MMP16: variants seen among roughly 807,000 people sequenced by gnomAD.
The protein encoded by MMP16 is matrix metalloproteinase-16.
In MMP16, 12 loss-of-function variants were observed where a neutral mutation model predicts 67.8. That is an observed-to-expected ratio of 0.18 (90% CI 0.11 to 0.29). The LOEUF is 0.29. Ranked by LOEUF, MMP16 falls within the 10% of genes least tolerant of loss-of-function variation. MMP16 has a pLI of 1.00. For synonymous variants in MMP16, 249 were observed against 255.9 expected (o/e 0.97, Z 0.26); for missense variants, 475 against 765.7 (o/e 0.62, Z 4.48).
intron 6 of MMP16, among the ~76,000 whole-genome samples, chr8:88,110,333 C>T (rs1563534628): frequency 6.6e-6 from 1 of 151,354 alleles, no homozygotes; most frequent in Non-Finnish European, 1.5e-5. Context: ...ATTGCAATTA[C>T]AAATATTTTA....
chr8:88,230,764 G>T (rs1288299996), intron 1 of MMP16, among the ~76,000 whole-genome samples: 2 of 151,994 alleles, frequency 1.3e-5, no homozygotes, highest in Non-Finnish European at 2.9e-5. Context: ...ATATTTGGAT[G>T]CATTCTTATA....
chr8:88,145,876 A>G (rs995268545), intron 4 of MMP16, among the ~76,000 whole-genome samples: 5 of 151,996 alleles, frequency 3.3e-5, no homozygotes, highest in African/African-American at 1.2e-4. Context: ...AAATGCTACC[A>G]GTATCTATGG....
intron 1 of MMP16, among the ~76,000 whole-genome samples, chr8:88,245,603 G>T (rs992807921): frequency 6.6e-6 from 1 of 152,158 alleles, no homozygotes; most frequent in African/African-American, 2.4e-5. Context: ...GACGGAGAAA[G>T]ACCTAAAAGA....
intron 1 of MMP16, among the ~76,000 whole-genome samples, chr8:88,262,266 T>C (rs997067260): frequency 6.6e-6 from 1 of 152,236 alleles, no homozygotes; most frequent in Non-Finnish European, 1.5e-5. Context: ...ATAGTGCACA[T>C]TTTACTAAAG....
intron 1 of MMP16, among the ~76,000 whole-genome samples, chr8:88,247,218 T>C (rs1810127251): frequency 6.6e-6 from 1 of 152,108 alleles, no homozygotes; most frequent in Admixed American, 6.6e-5. Flanking sequence ...TATAATACAG[T>C]AGGAAAATTT....
chr8:88,103,501 C>T (rs1228953119), intron 6 of MMP16, among the ~76,000 whole-genome samples: 2 of 151,770 alleles, frequency 1.3e-5, no homozygotes, highest in African/African-American at 4.8e-5. Context: ...GACTCCTTTG[C>T]AATCACTTTC....
intron 7 of MMP16, among the ~76,000 whole-genome samples, chr8:88,063,077 C>A (rs1248629634): frequency 6.6e-6 from 1 of 152,000 alleles, no homozygotes; most frequent in African/African-American, 2.4e-5. Flanking sequence ...TGGCAGAATG[C>A]AGAGGAAAAT....
intron 8 of MMP16, among the ~76,000 whole-genome samples, chr8:88,054,732 C>T (rs1808310649): frequency 6.6e-6 from 1 of 152,114 alleles, no homozygotes; most frequent in African/African-American, 2.4e-5. Flanking sequence ...TCATGGAAGC[C>T]AATTATAGCA....
chr8:88,199,244 T>C (rs752953506), intron 1 of MMP16, among the ~76,000 whole-genome samples: 7 of 152,084 alleles, frequency 4.6e-5, no homozygotes, highest in Admixed American at 2.0e-4. Flanking sequence ...CTATAAAATA[T>C]GTAAATGTTA....
At chr8:88,289,640 T>C (rs1042653138) in intron 1 of MMP16, among the ~76,000 whole-genome samples, 11 of 151,284 alleles carry the variant, frequency 7.3e-5, no homozygotes, top group South Asian at 4.2e-4. Context: ...TTCTGTACAG[T>C]TGCCGTGTAC....
At chr8:88,153,289 C>T (rs1808442166) in intron 4 of MMP16, among the ~76,000 whole-genome samples, 1 of 152,112 alleles carries the variant, frequency 6.6e-6, no homozygotes, top group Admixed American at 6.5e-5. Context: ...GGCCATACTG[C>T]CCAAGGTAAT....
At chr8:88,151,079 C>CAA (rs1808397677) in intron 4 of MMP16, among the ~76,000 whole-genome samples, 2 of 121,702 alleles carry the variant, frequency 1.6e-5, no homozygotes, top group South Asian at 6.4e-4. Flanking sequence ...TCTGATAAAA[C>CAA]AGACTTTAAA....
chr8:88,267,996 T>C (rs371251117), intron 1 of MMP16, among the ~76,000 whole-genome samples: 5 of 129,970 alleles, frequency 3.8e-5, no homozygotes, highest in Admixed American at 3.6e-4. Flanking sequence ...CTGTATAAAA[T>C]AGAAGATCCT....
At chr8:88,103,430 A>C (rs1809178529) in intron 6 of MMP16, among the ~76,000 whole-genome samples, 1 of 151,860 alleles carries the variant, frequency 6.6e-6, no homozygotes. Flanking sequence ...AAAGAATAAA[A>C]GCGAATGAAT....
At chr8:88,133,399 C>T (rs1808066163) in intron 4 of MMP16, among the ~76,000 whole-genome samples, 1 of 151,816 alleles carries the variant, frequency 6.6e-6, no homozygotes, top group Non-Finnish European at 1.5e-5. Context: ...TTGTCTTGTC[C>T]ACTAGGAGTT....
rs28904601 is a variant in MMP16, at chr8:88,243,513, T to C, written c.133-46207A>G. 3.7e-3 allele frequency among the ~76,000 whole-genome samples: 558 copies of C among 152,284 alleles called. 3 individuals carry two copies. Among genetic ancestry groups the C allele is most frequent in the Non-Finnish European group, 6.5e-3 (444 of 68,014 alleles). The stretch of plus-strand genomic sequence containing the variant: ...TAATTCCTGTCGTATATATTCTAAT[T>C]TGTTTCCAGTCAGCATGATTTCACC... On this transcript the variant is annotated intron_variant, in intron 1 of 9. Coordinates refer to ENST00000286614, the MANE Select transcript of MMP16 (RefSeq NM_005941.5).
At chr8:88,157,711 G>A (rs1476190001) in intron 4 of MMP16, among the ~76,000 whole-genome samples, 3 of 152,158 alleles carry the variant, frequency 2.0e-5, no homozygotes, top group Non-Finnish European at 1.5e-5. Context: ...TAGGGTACAT[G>A]TGCACAATGT....
intron 1 of MMP16, among the ~76,000 whole-genome samples, chr8:88,285,321 G>T (rs1306589438): frequency 1.3e-5 from 2 of 151,958 alleles, no homozygotes; most frequent in African/African-American, 2.4e-5. Flanking sequence ...TATATTTTTA[G>T]TAGCGATGGG....
At position 88,167,970 on chromosome 8, in the gene MMP16, T is replaced by C; in HGVS notation, c.408A>G (p.Ile136Met). The change falls in exon 4 of 10, where the codon ATA (isoleucine) becomes ATG (methionine). Residue 136 changes from isoleucine (I) to methionine (M), a missense_variant. Ile to Met is a conservative substitution (Grantham distance 10). Coordinates refer to ENST00000286614, the MANE Select transcript of MMP16 (RefSeq NM_005941.5). ...KWQHKHITYSIKNVTPKVGDP... is the reference protein window; with the variant it reads ...KWQHKHITYSMKNVTPKVGDP... Reference sequence around the variant, plus strand: ...CTCCTACTTTTGGAGTTACGTTCTTTATACTGAAAGTTAGAAAATATAATC... The same window carrying C: ...CTCCTACTTTTGGAGTTACGTTCTTCATACTGAAAGTTAGAAAATATAATC... 1 of 1,601,322 alleles carries C rather than the reference T, an allele frequency of 6.2e-7. No individual in the cohort carries two copies. The highest frequency in any genetic ancestry group is 8.5e-7 in the Non-Finnish European group (1 of 1,174,024).
Sources: allele counts gnomAD v4.1 joint callset (sites outside exome capture counted in the v4.1 genomes callset), GRCh38; gene constraint gnomAD v4.1.1; transcripts MANE v1.5; gene names NCBI Gene and HGNC (gene_info 2026-07-23, HGNC 2026-07-21).